Variants in ZFPM2 observed in about 807,000 individuals in gnomAD.
ZFPM2 encodes the protein zinc finger protein ZFPM2.
ZFPM2 carries 20 observed loss-of-function variants against 98.6 expected under a neutral mutation model. That is an observed-to-expected ratio of 0.20 (90% CI 0.14 to 0.29). The LOEUF (loss-of-function observed/expected upper bound fraction) is 0.29. ZFPM2 is among the 10% of genes least tolerant of loss of function. The pLI is 1.00. For synonymous variants in ZFPM2, 518 were observed against 502.7 expected (o/e 1.03, Z -0.41); for missense variants, 1,310 against 1,388.6 (o/e 0.94, Z 0.90).
In ZFPM2 at chr8:105,379,474, C is replaced by T. The variant is rs1317729019; in HGVS notation, c.41-39670C>T. ...AATTTAATTAAAAGTTTACATTGGTCCGGGCACGGTGGCTCACGCCTGTAA... is the reference window on the plus strand; with the variant it reads ...AATTTAATTAAAAGTTTACATTGGTTCGGGCACGGTGGCTCACGCCTGTAA... On this transcript the variant is annotated intron_variant, in intron 1 of 7. Transcript: ENST00000407775. Among the ~76,000 whole-genome samples, 2 of 152,150 alleles carry T rather than the reference C, an allele frequency of 1.3e-5. 1 individual carries two copies. Among genetic ancestry groups the T allele is most frequent in the African/African-American group, 4.8e-5 (2 of 41,430 alleles).
At chr8:105,327,761 T>G (rs1041054082) in intron 1 of ZFPM2, among the ~76,000 whole-genome samples, 1 of 151,830 alleles carries the variant, frequency 6.6e-6, no homozygotes, top group African/African-American at 2.4e-5. Flanking sequence ...TATAATTCAC[T>G]GACAAAATCT....
intron 4 of ZFPM2, among the ~76,000 whole-genome samples, chr8:105,599,452 C>T (rs1170240863): frequency 2.6e-5 from 4 of 151,038 alleles, no homozygotes; most frequent in Non-Finnish European, 4.4e-5. Flanking sequence ...AAGTTCATCC[C>T]ATTGAACTGG....
intron 3 of ZFPM2, among the ~76,000 whole-genome samples, chr8:105,533,316 G>A (rs1048441362): frequency 1.3e-5 from 2 of 152,038 alleles, no homozygotes; most frequent in African/African-American, 4.8e-5. Context: ...AGCTGTGACA[G>A]TTTAGATAGG....
At chr8:105,394,217 T>C (rs1811176622) in intron 1 of ZFPM2, among the ~76,000 whole-genome samples, 2 of 152,120 alleles carry the variant, frequency 1.3e-5, no homozygotes, top group African/African-American at 4.8e-5. Flanking sequence ...TTCTAACTGC[T>C]GTTTCATATT....
intron 1 of ZFPM2, among the ~76,000 whole-genome samples, chr8:105,327,177 A>G (rs1812130780): frequency 1.3e-5 from 2 of 151,602 alleles, no homozygotes; most frequent in African/African-American, 2.4e-5. Flanking sequence ...TGACATCTGT[A>G]TAATATTGCA....
chr8:105,326,638 A>G (rs1323283333), intron 1 of ZFPM2, among the ~76,000 whole-genome samples: 1 of 151,642 alleles, frequency 6.6e-6, no homozygotes, highest in Non-Finnish European at 1.5e-5. Flanking sequence ...AAAGCAAGGA[A>G]TTTGCTAATA....
chr8:105,627,481 G>A (rs535495669), intron 4 of ZFPM2, among the ~76,000 whole-genome samples: 1 of 152,188 alleles, frequency 6.6e-6, no homozygotes, highest in Admixed American at 6.5e-5. Context: ...TATGTACCTT[G>A]AATTGATTTA....
At chr8:105,652,781 CA>C (rs1817206514) in intron 5 of ZFPM2, among the ~76,000 whole-genome samples, 1 of 152,090 alleles carries the variant, frequency 6.6e-6, no homozygotes, top group South Asian at 2.1e-4. Flanking sequence ...TTCATTTTCT[CA>C]AATCAGTAAT....
At chr8:105,634,782 A>G (rs1453858630) in intron 5 of ZFPM2, among the ~76,000 whole-genome samples, 1 of 152,186 alleles carries the variant, frequency 6.6e-6, no homozygotes, top group Non-Finnish European at 1.5e-5. Context: ...CAGTTTCCTG[A>G]AGTCATGCAT....
chr8:105,447,955 A>G (rs1812408607), intron 3 of ZFPM2, among the ~76,000 whole-genome samples: 1 of 152,132 alleles, frequency 6.6e-6, no homozygotes, highest in Admixed American at 6.5e-5. Flanking sequence ...GTTAGCTGTT[A>G]TGATTAAGTG....
rs10650495 is a variant in ZFPM2 at position 105,778,489 on chromosome 8, CGT to C, written c.533-10211_533-10210del. Among the ~76,000 whole-genome samples, 792 of 147,760 alleles carry C rather than the reference CGT, an allele frequency of 5.4e-3. 3 individuals are homozygous for C. The highest frequency in any genetic ancestry group is 0.016 in the African/African-American group (621 of 40,054). On this transcript the variant is annotated intron_variant, in intron 5 of 7. Transcript: ENST00000407775. ...ATGTCTGCATGTGTCTGAGTGCATG[CGT>C]GTGTGTGTGTGTGTGTGCGTGTGTG...
chr8:105,802,419 G>T lies in ZFPM2; in HGVS notation c.2337G>T (p.Gly779=), dbSNP rs1248810542. 1.2e-6 allele frequency: 2 copies of T among 1,613,626 alleles called. No individual in the cohort carries two copies. Among genetic ancestry groups the T allele is most frequent in the Admixed American group, 1.7e-5 (1 of 59,962 alleles). Residue 779 remains glycine (G), a synonymous_variant, in exon 8 of 8, where the codon GGG becomes GGT. Transcript: ENST00000407775. ...PCTSTQEPTE[G]LGECYHPRCD... ...CCTCCACTCAAGAACCCACAGAAGG[G>T]CTAGGAGAGTGCTACCACCCAAGAT...
At chr8:105,794,980 C>A (rs938524909) in intron 6 of ZFPM2, among the ~76,000 whole-genome samples, 1 of 152,180 alleles carries the variant, frequency 6.6e-6, no homozygotes, top group African/African-American at 2.4e-5. Context: ...CAGGTGCCGT[C>A]TGTCACCCCT....
At chr8:105,327,250 AT>A (rs1310792094) in intron 1 of ZFPM2, among the ~76,000 whole-genome samples, 1 of 151,678 alleles carries the variant, frequency 6.6e-6, no homozygotes, top group African/African-American at 2.4e-5. Context: ...AATCTCTAAA[AT>A]TCTTTTATTT....
chr8:105,699,849 ATTG>A (rs1292836279), intron 5 of ZFPM2, among the ~76,000 whole-genome samples: 7 of 152,274 alleles, frequency 4.6e-5, no homozygotes, highest in African/African-American at 7.2e-5. Context: ...AATATTATTT[ATTG>A]TTGTCTTAGA....
At chr8:105,606,439 G>A (rs1432830287) in intron 4 of ZFPM2, among the ~76,000 whole-genome samples, 1 of 151,968 alleles carries the variant, frequency 6.6e-6, no homozygotes, top group Non-Finnish European at 1.5e-5. Flanking sequence ...TCTTAGATCT[G>A]AATTCTGTCA....
chr8:105,426,538 G>C (rs1811915706), intron 2 of ZFPM2, among the ~76,000 whole-genome samples: 1 of 151,998 alleles, frequency 6.6e-6, no homozygotes, highest in African/African-American at 2.4e-5. Context: ...TGTTTTCCTG[G>C]ATTCAGTACT....
chr8:105,693,866 C>T (rs1407173865), intron 5 of ZFPM2, among the ~76,000 whole-genome samples: 1 of 151,730 alleles, frequency 6.6e-6, no homozygotes, highest in Non-Finnish European at 1.5e-5. Context: ...TTTAAGATAT[C>T]CATTACTTCA....
intron 1 of ZFPM2, among the ~76,000 whole-genome samples, chr8:105,348,871 G>C (rs1364039928): frequency 6.6e-6 from 1 of 152,148 alleles, no homozygotes; most frequent in East Asian, 1.9e-4. Flanking sequence ...TGATTATGAG[G>C]TTGAACAGCA....
Sources: allele counts gnomAD v4.1 joint callset (sites outside exome capture counted in the v4.1 genomes callset), GRCh38; gene constraint gnomAD v4.1.1; transcripts MANE v1.5; gene names NCBI Gene and HGNC (gene_info 2026-07-23, HGNC 2026-07-21).